Variants in DCC observed in about 807,000 individuals in gnomAD.
DCC encodes DCC netrin 1 receptor.
Under a neutral mutation model 172.5 loss-of-function variants are expected in DCC, and 58 were observed. The observed-to-expected ratio is 0.34, with a 90% CI of 0.27 to 0.42. DCC has a LOEUF of 0.42. DCC is among the 10% of genes least tolerant of loss of function. The probability of loss-of-function intolerance (pLI) is 1.00; values close to 1 mark genes in which losing one functional copy is unlikely to be tolerated. For missense variants in DCC, 1,740 were observed against 1,791.0 expected, an observed-to-expected ratio of 0.97 and a Z score of 0.51; for synonymous variants, 709 against 644.5, an observed-to-expected ratio of 1.10 and a Z score of -1.52.
rs2879449 is a variant in DCC, at chr18:52,637,203, C to A, written c.92-114851C>A. 1.2e-3 allele frequency among the ~76,000 whole-genome samples: 177 copies of A among 152,290 alleles called. 1 individual carries two copies. In the East Asian group the frequency reaches 0.024, roughly 21 times the overall value. On this transcript the variant is annotated intron_variant, in intron 1 of 28. Transcript: ENST00000442544. ...GCCCTAGACCTTCCCTCTGACAGAG[C>A]ATACCCAAATCAAAAGGAACCAGAA... is the stretch of plus-strand genomic sequence containing the variant.
intron 12 of DCC, among the ~76,000 whole-genome samples, chr18:53,217,324 C>T (rs958330357): frequency 8.5e-6 from 1 of 117,992 alleles, no homozygotes; most frequent in Non-Finnish European, 2.0e-5. Flanking sequence ...CACACACACA[C>T]ACACACACAC....
intron 15 of DCC, among the ~76,000 whole-genome samples, chr18:53,385,109 A>C (rs886549309): frequency 1.4e-5 from 2 of 138,784 alleles, no homozygotes; most frequent in African/African-American, 5.5e-5. Flanking sequence ...GCTTACATTT[A>C]TGTAATTTGT....
intron 27 of DCC, among the ~76,000 whole-genome samples, chr18:53,523,506 C>A (rs1178629340): frequency 6.6e-6 from 1 of 152,158 alleles, no homozygotes; most frequent in Non-Finnish European, 1.5e-5. Flanking sequence ...TTGGAACCAA[C>A]CCAAATGCCC....
intron 1 of DCC, among the ~76,000 whole-genome samples, chr18:52,421,102 G>A (rs556083572): frequency 1.3e-5 from 2 of 152,214 alleles, no homozygotes; most frequent in African/African-American, 4.8e-5. Flanking sequence ...TATGAAATAA[G>A]GGGGAAACAT....
chr18:52,431,159 C>T (rs772162103), intron 1 of DCC, among the ~76,000 whole-genome samples: 185 of 152,072 alleles, frequency 1.2e-3, no homozygotes, highest in Non-Finnish European at 1.9e-3. Flanking sequence ...GGACACTCAC[C>T]CAAATATACT....
chr18:53,273,929 T>C (rs1054616511), intron 12 of DCC, among the ~76,000 whole-genome samples: 1 of 151,970 alleles, frequency 6.6e-6, no homozygotes, highest in Admixed American at 6.6e-5. Flanking sequence ...CCTGATAATA[T>C]TGTGTAGGGA....
At chr18:52,778,067 G>A (rs903130659) in intron 2 of DCC, among the ~76,000 whole-genome samples, 9 of 152,160 alleles carry the variant, frequency 5.9e-5, no homozygotes, top group African/African-American at 1.4e-4. Context: ...TATACTAAGC[G>A]AAGCAAATCG....
chr18:52,360,205 A>T (rs1178993752), intron 1 of DCC, among the ~76,000 whole-genome samples: 3 of 152,214 alleles, frequency 2.0e-5, no homozygotes, highest in African/African-American at 7.2e-5. Flanking sequence ...TAGATTATTG[A>T]GTATATAAAT....
chr18:53,462,619 A>T (rs2045572934), intron 24 of DCC, among the ~76,000 whole-genome samples: 1 of 152,102 alleles, frequency 6.6e-6, no homozygotes, highest in South Asian at 2.1e-4. Context: ...ATATACTTGA[A>T]TCATCCTGAA....
chr18:52,431,837 A>G (rs1987635201), intron 1 of DCC, among the ~76,000 whole-genome samples: 1 of 152,138 alleles, frequency 6.6e-6, no homozygotes, highest in African/African-American at 2.4e-5. Context: ...CATTTGATTC[A>G]TCTTGCACTG....
At chr18:52,765,725 G>T (rs2037238839) in intron 2 of DCC, among the ~76,000 whole-genome samples, 1 of 152,168 alleles carries the variant, frequency 6.6e-6, no homozygotes, top group South Asian at 2.1e-4. Flanking sequence ...TAGGCAGTGA[G>T]ACTCCACAGA....
chr18:53,296,883 T>C (rs538802265), intron 12 of DCC, among the ~76,000 whole-genome samples: 1 of 152,316 alleles, frequency 6.6e-6, no homozygotes, highest in East Asian at 1.9e-4. Context: ...GCAAGGACTT[T>C]CAGAGTGCCC....
intron 1 of DCC, among the ~76,000 whole-genome samples, chr18:52,536,591 C>T (rs1290279395): frequency 6.6e-6 from 1 of 151,998 alleles, no homozygotes; most frequent in African/African-American, 2.4e-5. Flanking sequence ...TCCTAGATCT[C>T]TAAACAGGGC....
At chr18:53,123,053 G>A (rs2043504744) in intron 7 of DCC, among the ~76,000 whole-genome samples, 1 of 151,988 alleles carries the variant, frequency 6.6e-6, no homozygotes, top group Non-Finnish European at 1.5e-5. Context: ...AACAGGCATT[G>A]CATCCACCCT....
chr18:53,197,042 AG>A (rs1360739501), intron 9 of DCC, among the ~76,000 whole-genome samples: 1 of 152,126 alleles, frequency 6.6e-6, no homozygotes, highest in Non-Finnish European at 1.5e-5. Flanking sequence ...ATATCATTAA[AG>A]CTGTTAACTA....
chr18:53,388,855 G>T (rs1908357257), intron 16 of DCC, among the ~76,000 whole-genome samples: 1 of 152,112 alleles, frequency 6.6e-6, no homozygotes, highest in African/African-American at 2.4e-5. Flanking sequence ...TGCAGTCATG[G>T]CTCACTGTAG....
chr18:53,394,030 T>C (rs944909107), intron 17 of DCC, among the ~76,000 whole-genome samples: 7 of 152,142 alleles, frequency 4.6e-5, no homozygotes, highest in Admixed American at 4.6e-4. Flanking sequence ...ATAGACTCTT[T>C]GAGTTTTCAC....
chr18:52,546,220 G>T (rs963954575), intron 1 of DCC, among the ~76,000 whole-genome samples: 6 of 152,094 alleles, frequency 3.9e-5, no homozygotes, highest in Non-Finnish European at 5.9e-5. Context: ...ATAAGATCAC[G>T]TTAGCAAAGT....
intron 5 of DCC, among the ~76,000 whole-genome samples, chr18:53,058,498 G>A (rs1160375604): frequency 3.3e-5 from 5 of 152,034 alleles, no homozygotes; most frequent in Non-Finnish European, 5.9e-5. Context: ...GAGAATATAG[G>A]ACTCCAGAGC....
Sources: allele counts gnomAD v4.1 joint callset (sites outside exome capture counted in the v4.1 genomes callset), GRCh38; gene constraint gnomAD v4.1.1; transcripts MANE v1.5; gene names NCBI Gene and HGNC (gene_info 2026-07-23, HGNC 2026-07-21).